Variants in TIPIN observed in about 807,000 individuals in gnomAD.
TIPIN encodes TIMELESS-interacting protein.
Under a neutral mutation model 35.6 loss-of-function variants are expected in TIPIN, and 29 were observed. That is an observed-to-expected ratio of 0.82 (90% CI 0.61 to 1.11). The LOEUF is 1.11. TIPIN is among the 50% of genes most tolerant of loss of function. TIPIN has a pLI of 0.00. For synonymous variants in TIPIN, 102 were observed against 121.5 expected, an observed-to-expected ratio of 0.84 and a Z score of 1.06; for missense variants, 296 against 345.4, an observed-to-expected ratio of 0.86 and a Z score of 1.13.
intron 1 of TIPIN, chr15:66,379,838 G>A (rs114612962): frequency 2.5e-6 from 4 of 1,595,802 alleles, no homozygotes; most frequent in African/African-American, 2.7e-5. Context: ...GGCCATTCAC[G>A]ATAACTGTGT....
chr15:66,358,354 T>C (rs2093216345), upstream of TIPIN, among the ~76,000 whole-genome samples: 1 of 152,076 alleles, frequency 6.6e-6, no homozygotes, highest in African/African-American at 2.4e-5. Flanking sequence ...TATAGCATCA[T>C]TAAGATTTGC....
rs569410680 is a variant in TIPIN, at chr15:66,349,410, G to T, written c.316C>A (p.His106Asn). Residue 106 changes from histidine (H) to asparagine (N), a missense_variant, in exon 5 of 8, where the codon CAC becomes AAC. By Grantham distance (68) the His-to-Asn change is moderately conservative (BLOSUM62 1). Coordinates refer to ENST00000261881, the MANE Select transcript of TIPIN (RefSeq NM_017858.3). ...EAEDLKMLIR[H>N]MEHWAHRLFP... Reference sequence around the variant, plus strand: ...AGCCTATGTGCCCAGTGCTCCATGTGTCTGATTAGCATCTTCAAGTCTTCA... The same window carrying T: ...AGCCTATGTGCCCAGTGCTCCATGTTTCTGATTAGCATCTTCAAGTCTTCA... 1 of 1,613,302 alleles carries T rather than the reference G, an allele frequency of 6.2e-7. No individual in the cohort carries two copies. The highest frequency in any genetic ancestry group is 1.3e-5 in the African/African-American group (1 of 75,022).
chr15:66,379,497 T>C, intron 1 of TIPIN: 1 of 1,609,618 alleles, frequency 6.2e-7, no homozygotes, highest in Middle Eastern at 2.2e-4. Flanking sequence ...TTCATCTTTC[T>C]GGGCTTGAGA....
intron 1 of TIPIN, among the ~76,000 whole-genome samples, chr15:66,369,202 A>G (rs544757025): frequency 1.3e-5 from 2 of 152,206 alleles, no homozygotes; most frequent in African/African-American, 4.8e-5. Context: ...TGACACAACA[A>G]TGTTATCATT....
At chr15:66,357,737 C>T (rs2093213160), upstream of TIPIN, among the ~76,000 whole-genome samples, 1 of 151,926 alleles carries the variant, frequency 6.6e-6, no homozygotes, top group African/African-American at 2.4e-5. Flanking sequence ...GCGGGCAGAT[C>T]ACGAGGTCAG....
chr15:66,351,987 A>C, intron 3 of TIPIN, 142 bp downstream of exon 3: 1 of 668,420 alleles, frequency 1.5e-6, no homozygotes, highest in South Asian at 2.2e-5. Context: ...CATAAGAAAA[A>C]ATATGTTCTG....
rs540201981 is a variant in TIPIN at position 66,382,406 on chromosome 15, C to A, written c.-9+4201G>T. 22 of 983,282 alleles carry A rather than the reference C, an allele frequency of 2.2e-5. 2 individuals are homozygous for A. The South Asian group carries it at 9.4e-4, about 42-fold the overall frequency. 60.9% of individuals were successfully genotyped at this position (983,282 alleles called of 1,614,324 possible). A position where few individuals can be genotyped will look rare whatever the true frequency, so the allele number is the denominator to read the frequency against. On this transcript the variant is annotated intron_variant, in intron 1 of 7. Coordinates refer to the TIPIN transcript ENST00000562124. The stretch of plus-strand genomic sequence containing the variant: ...TGATATGTTTTCATCACTGGTTGTC[C>A]TTGTATTTCTTCTGTTTTCCAGGCT...
chr15:66,384,101 A>G (rs1346799987), intron 1 of TIPIN, among the ~76,000 whole-genome samples: 1 of 151,192 alleles, frequency 6.6e-6, no homozygotes, highest in Non-Finnish European at 1.5e-5. Flanking sequence ...GGTTCACACC[A>G]TTCTCCTGCC....
chr15:66,348,187 T>C (rs1308722154), intron 6 of TIPIN: 1 of 151,832 alleles, frequency 6.6e-6, no homozygotes, highest in Non-Finnish European at 1.5e-5. Context: ...TTAAAAATTT[T>C]TGTAGATGGG....
intron 1 of TIPIN, among the ~76,000 whole-genome samples, chr15:66,372,306 T>C (rs1304252059): frequency 1.3e-5 from 2 of 152,190 alleles, no homozygotes; most frequent in African/African-American, 4.8e-5. Flanking sequence ...TTTTGAACTT[T>C]ATATGAAAGA....
intron 1 of TIPIN, chr15:66,382,440 A>C: frequency 1.1e-6 from 1 of 937,032 alleles, no homozygotes; most frequent in Non-Finnish European, 1.3e-6. Context: ...CTGGTGTGCA[A>C]GATCATGGCT....
chr15:66,367,833 G>GTTTT (rs201442586), intron 1 of TIPIN, among the ~76,000 whole-genome samples: 22 of 122,914 alleles, frequency 1.8e-4, no homozygotes, highest in Non-Finnish European at 2.9e-4. Flanking sequence ...ATAAATCTTT[G>GTTTT]TTTTTGTTTT....
At chr15:66,337,766 CAA>C (rs199560907) in intron 7 of TIPIN, among the ~76,000 whole-genome samples, 4 of 67,848 alleles carry the variant, frequency 5.9e-5, no homozygotes, top group African/African-American at 1.9e-4. Context: ...AACAAAACAT[CAA>C]AAAAAATAAA....
At chr15:66,345,787 C>T (rs932079470) in intron 6 of TIPIN, among the ~76,000 whole-genome samples, 2 of 151,734 alleles carry the variant, frequency 1.3e-5, no homozygotes, top group Non-Finnish European at 1.5e-5. Context: ...ATGGTCAAAA[C>T]ATTTTTACTT....
At chr15:66,383,531 T>A in intron 1 of TIPIN, 1 of 966,770 alleles carries the variant, frequency 1.0e-6, no homozygotes, top group South Asian at 4.8e-5. Flanking sequence ...CCCAAAGTGC[T>A]GGGATTAAAG....
At chr15:66,377,286 C>T (rs538061339) in intron 1 of TIPIN, among the ~76,000 whole-genome samples, 226 of 152,224 alleles carry the variant, frequency 1.5e-3, no homozygotes, top group African/African-American at 5.0e-3. Flanking sequence ...CTGTGAACTA[C>T]CTATATTGAT....
chr15:66,348,643 G>A (rs1044958342), intron 6 of TIPIN, among the ~76,000 whole-genome samples: 12 of 149,704 alleles, frequency 8.0e-5, no homozygotes, highest in African/African-American at 2.5e-4. Context: ...GTAGTGAGCC[G>A]AGATCATGCC....
intron 1 of TIPIN, chr15:66,383,042 T>C (rs1025035239): frequency 2.0e-6 from 2 of 980,068 alleles, no homozygotes; most frequent in Non-Finnish European, 2.4e-6. Flanking sequence ...TGGATCATGA[T>C]AAGGGCTTAG....
intron 1 of TIPIN, among the ~76,000 whole-genome samples, chr15:66,356,004 C>A (rs1277139731): frequency 1.3e-5 from 2 of 152,052 alleles, no homozygotes; most frequent in African/African-American, 4.8e-5. Context: ...CGTCAATGGT[C>A]GCATAACTGT....
Sources: allele counts gnomAD v4.1 joint callset (sites outside exome capture counted in the v4.1 genomes callset), GRCh38; gene constraint gnomAD v4.1.1; transcripts MANE v1.5; gene names NCBI Gene and HGNC (gene_info 2026-07-23, HGNC 2026-07-21).